FSTL1: variants seen among roughly 807,000 people sequenced by gnomAD.
The protein encoded by FSTL1 is follistatin-related protein 1.
Under a neutral mutation model 45.9 loss-of-function variants are expected in FSTL1, and 24 were observed. The ratio of observed to expected loss-of-function variants is 0.52; its 90% CI spans 0.38 to 0.74. The LOEUF is 0.74. FSTL1 is among the 30% of genes least tolerant of loss of function. The probability of loss-of-function intolerance (pLI) is 0.00; values close to 1 mark genes in which losing one functional copy is unlikely to be tolerated. For synonymous variants in FSTL1, 120 were observed against 137.6 expected (o/e 0.87, Z 0.89); for missense variants, 340 against 381.8 (o/e 0.89, Z 0.91).
intron 9 of FSTL1, 96 bp downstream of exon 9, chr3:120,402,712 C>T: frequency 2.4e-6 from 2 of 816,900 alleles, no homozygotes; most frequent in South Asian, 2.9e-5. Flanking sequence ...CCAGCCACCG[C>T]CCTCTTCTCC....
intron 3 of FSTL1, 68 bp from the exon 4 acceptor site, chr3:120,412,051 ATACATG>A: frequency 1.4e-4 from 76 of 541,464 alleles, no homozygotes; most frequent in Non-Finnish European, 1.9e-4. Context: ...ACACACACAC[ATACATG>A]CACACACACA....
intron 2 of FSTL1, 90 bp downstream of exon 2, chr3:120,450,594 G>A: frequency 2.5e-6 from 2 of 801,904 alleles, no homozygotes; most frequent in Non-Finnish European, 3.7e-6. Flanking sequence ...CACCCCGGGA[G>A]AGCATCCCCA....
rs1936717257 is a variant in FSTL1 at position 120,397,067 on chromosome 3, G to A, written c.883-71C>T. ...CTGTTGGAATTTATCTGTTCCTCAA[G>A]ACTATATAGCATTGGCATTTACAAG... On this transcript the variant is annotated intron_variant, in intron 10 of 10. Coordinates refer to ENST00000295633, the MANE Select transcript of FSTL1 (RefSeq NM_007085.5). 1.3e-5 allele frequency: 16 copies of A among 1,189,590 alleles called. No individual in the cohort carries two copies. In the Admixed American group the frequency reaches 2.5e-4, roughly 19 times the overall value. The allele number at this position is 1,189,590 out of a possible 1,614,324, so 73.7% of individuals were successfully genotyped here.
At chr3:120,442,518 G>A (rs1037803349) in intron 2 of FSTL1, among the ~76,000 whole-genome samples, 1 of 152,160 alleles carries the variant, frequency 6.6e-6, no homozygotes, top group Admixed American at 6.5e-5. Context: ...CGTGGCTCAC[G>A]CCTCTAATCC....
intron 10 of FSTL1, 124 bp from the exon 11 acceptor site, chr3:120,397,120 G>C (rs1386228055): frequency 2.5e-6 from 2 of 811,874 alleles, no homozygotes; most frequent in Middle Eastern, 2.7e-4. Context: ...TTGTTTACTT[G>C]TCGGGCTCCT....
intron 10 of FSTL1, among the ~76,000 whole-genome samples, chr3:120,397,646 C>G (rs1936728779): frequency 1.3e-5 from 2 of 152,184 alleles, no homozygotes; most frequent in Admixed American, 1.3e-4. Context: ...GAAATTGGAA[C>G]TCTATGGTGA....
At chr3:120,437,830 TCAG>T (rs1036501023) in intron 2 of FSTL1, among the ~76,000 whole-genome samples, 1 of 152,204 alleles carries the variant, frequency 6.6e-6, no homozygotes, top group African/African-American at 2.4e-5. Context: ...ACCAAGCATT[TCAG>T]CAGGACTAAA....
chr3:120,400,830 C>T (rs904033719), intron 9 of FSTL1, among the ~76,000 whole-genome samples: 2 of 152,220 alleles, frequency 1.3e-5, no homozygotes, highest in Non-Finnish European at 2.9e-5. Flanking sequence ...ACGGCCTACA[C>T]ATCCATACGT....
chr3:120,421,284 A>G (rs1205696357), intron 2 of FSTL1: 1 of 152,192 alleles, frequency 6.6e-6, no homozygotes, highest in Non-Finnish European at 1.5e-5. Context: ...AGCTCTACTT[A>G]TGCCAAGGTG....
At chr3:120,421,406 G>T (rs1937276941) in intron 2 of FSTL1, 2 of 152,204 alleles carry the variant, frequency 1.3e-5, no homozygotes, top group African/African-American at 4.8e-5. Flanking sequence ...GAACACCAGG[G>T]CCCCTCAGAT....
At chr3:120,398,293 C>A (rs533019683) in intron 10 of FSTL1, among the ~76,000 whole-genome samples, 4 of 152,244 alleles carry the variant, frequency 2.6e-5, no homozygotes, top group African/African-American at 9.6e-5. Context: ...TGATATCTAG[C>A]AGACACTGGT....
chr3:120,450,393 A>C (rs1348579915), intron 2 of FSTL1, among the ~76,000 whole-genome samples: 2 of 152,154 alleles, frequency 1.3e-5, no homozygotes, highest in Middle Eastern at 3.2e-3. Flanking sequence ...CTGCTGCTCC[A>C]GTCGCCGCCT....
Position 120,407,422 on chromosome 3 carries a change from A to G in FSTL1, c.462+2110T>C, listed in dbSNP as rs1332258630. 3.9e-5 allele frequency among the ~76,000 whole-genome samples: 6 copies of G among 152,260 alleles called. No individual in the cohort carries two copies. The East Asian group carries it at 1.2e-3, about 29-fold the overall frequency. ...GGATTAGATTCCAAATTCCAAGAGC[A>G]TGGAAGGCTCTTTCTACCTGGGTCT... is the stretch of plus-strand genomic sequence containing the variant. On this transcript the variant is annotated intron_variant, in intron 6 of 10. Transcript: ENST00000295633.
At position 120,403,330 on chromosome 3, in the gene FSTL1, A is replaced by AGAACT; in HGVS notation, c.605_606insAGTTC (p.Glu203ValfsTer65). Reference sequence around the variant, plus strand: ...AATCAGCATTTTCATCAGACAGTTCAATGAGAGCATCAACACAGAGTCCCC... The same window carrying AGAACT: ...AATCAGCATTTTCATCAGACAGTTCAGAACTATGAGAGCATCAACACAGAGTCCCC... On this transcript the variant is annotated frameshift_variant, in exon 8 of 11. Transcript: ENST00000295633. LOFTEE classifies it high-confidence loss of function. 6.2e-7 allele frequency: 1 copy of AGAACT among 1,609,166 alleles called. No homozygotes were observed. The highest frequency in any genetic ancestry group is 8.5e-7 in the Non-Finnish European group (1 of 1,175,428).
At chr3:120,412,838 G>GCACACACACA (rs71156798) in intron 3 of FSTL1, among the ~76,000 whole-genome samples, 107 of 106,174 alleles carry the variant, frequency 1.0e-3, no homozygotes, top group South Asian at 3.3e-3. Context: ...GCGCGCGCGC[G>GCACACACACA]CACACACACA....
At chr3:120,404,340 T>G (rs974556574) in intron 7 of FSTL1, among the ~76,000 whole-genome samples, 1 of 152,242 alleles carries the variant, frequency 6.6e-6, no homozygotes, top group South Asian at 2.1e-4. Flanking sequence ...CTTACCGATG[T>G]GCTGAAACCA....
intron 2 of FSTL1, among the ~76,000 whole-genome samples, chr3:120,426,385 T>C (rs1937380589): frequency 6.6e-6 from 1 of 152,030 alleles, no homozygotes; most frequent in Non-Finnish European, 1.5e-5. Flanking sequence ...CCATTAGGAT[T>C]TGCATTCTTT....
intron 3 of FSTL1, among the ~76,000 whole-genome samples, chr3:120,412,819 T>A (rs13077085): frequency 8.7e-5 from 6 of 68,840 alleles, no homozygotes; most frequent in South Asian, 4.7e-4. Flanking sequence ...CACACACATG[T>A]GCGCGCGCGC....
At chr3:120,436,279 G>T (rs940977479) in intron 2 of FSTL1, among the ~76,000 whole-genome samples, 2 of 152,196 alleles carry the variant, frequency 1.3e-5, no homozygotes, top group African/African-American at 4.8e-5. Flanking sequence ...TAAGAAATAA[G>T]TCTGCAGTGA....
Sources: gnomAD v4.1 joint callset for allele counts (sites outside exome capture counted in the v4.1 genomes callset) on GRCh38, gnomAD v4.1.1 for gene constraint, MANE v1.5 for transcripts, NCBI Gene and HGNC (gene_info 2026-07-23, HGNC 2026-07-21) for gene names.